Variants in FOXO1 observed in about 807,000 individuals in gnomAD.
FOXO1 encodes the protein forkhead box O1.
Under a neutral mutation model 44.1 loss-of-function variants are expected in FOXO1, and 6 were observed. The ratio of observed to expected loss-of-function variants is 0.14; its 90% confidence interval spans 0.07 to 0.27. The LOEUF is 0.27. FOXO1 is among the 10% of genes least tolerant of loss of function. FOXO1 has a pLI of 1.00. For synonymous variants in FOXO1, 380 were observed against 362.7 expected, an observed-to-expected ratio of 1.05 and a Z score of -0.54; for missense variants, 737 against 888.8, an observed-to-expected ratio of 0.83 and a Z score of 2.17.
At chr13:40,664,122 A>T (rs2095981110) in intron 1 of FOXO1, among the ~76,000 whole-genome samples, 1 of 152,074 alleles carries the variant, frequency 6.6e-6, no homozygotes, top group Non-Finnish European at 1.5e-5. Flanking sequence ...AAAACACAAA[A>T]ATTAGCTCGA....
At chr13:40,591,230 C>A (rs1038489811) in intron 1 of FOXO1, among the ~76,000 whole-genome samples, 2 of 152,148 alleles carry the variant, frequency 1.3e-5, no homozygotes, top group Non-Finnish European at 2.9e-5. Context: ...GGGTCAAACA[C>A]CTTGAAAGGG....
chr13:40,602,406 A>G (rs887048387), intron 1 of FOXO1, among the ~76,000 whole-genome samples: 6 of 152,202 alleles, frequency 3.9e-5, no homozygotes, highest in African/African-American at 1.4e-4. Flanking sequence ...CTTTTTCCCC[A>G]GTCTCACTTT....
chr13:40,590,350 CCTT>C (rs1875323243), intron 1 of FOXO1, among the ~76,000 whole-genome samples: 1 of 152,172 alleles, frequency 6.6e-6, no homozygotes, highest in Non-Finnish European at 1.5e-5. Context: ...CAAACAGAAA[CCTT>C]CTCCTTGCTA....
In FOXO1 at chr13:40,638,922, G is replaced by A. The variant is rs115199688; in HGVS notation, c.630+26661C>T. On this transcript the variant is annotated intron_variant, in intron 1 of 2. Transcript: ENST00000379561. ...CAGAACAGTCACTAAGGCCAGGCACGGTGGCTCACGCCTATAATCCAAGCA... is the reference window on the plus strand; with the variant it reads ...CAGAACAGTCACTAAGGCCAGGCACAGTGGCTCACGCCTATAATCCAAGCA... 5.7e-3 allele frequency among the ~76,000 whole-genome samples: 870 copies of A among 152,268 alleles called. 15 individuals carry two copies. Among genetic ancestry groups the A allele is most frequent in the African/African-American group, 0.02 (835 of 41,558 alleles).
chr13:40,584,829 C>T (rs372706026), intron 1 of FOXO1, among the ~76,000 whole-genome samples: 2 of 152,190 alleles, frequency 1.3e-5, no homozygotes, highest in African/African-American at 2.4e-5. Flanking sequence ...TAGGAAGCTT[C>T]GGATGTTATG....
intron 1 of FOXO1, among the ~76,000 whole-genome samples, chr13:40,630,320 C>T (rs765918925): frequency 3.3e-5 from 5 of 151,974 alleles, no homozygotes; most frequent in Non-Finnish European, 7.4e-5. Context: ...TGCTTTTGTT[C>T]TTCTTTTTGT....
intron 1 of FOXO1, among the ~76,000 whole-genome samples, chr13:40,663,310 T>A (rs1007048934): frequency 1.3e-5 from 2 of 152,228 alleles, no homozygotes; most frequent in Non-Finnish European, 2.9e-5. Context: ...ATCTATTTTT[T>A]AAAAACCTAA....
intron 1 of FOXO1, among the ~76,000 whole-genome samples, chr13:40,624,771 T>C (rs1194652986): frequency 6.6e-6 from 1 of 152,346 alleles, no homozygotes; most frequent in Admixed American, 6.5e-5. Flanking sequence ...TAATGGAACA[T>C]GGAATTACAA....
intron 1 of FOXO1, among the ~76,000 whole-genome samples, chr13:40,597,690 T>C (rs1030057725): frequency 6.6e-6 from 1 of 152,166 alleles, no homozygotes; most frequent in African/African-American, 2.4e-5. Context: ...CAGAAAGTAA[T>C]GGTCAGCCTT....
intron 1 of FOXO1, among the ~76,000 whole-genome samples, chr13:40,603,483 T>A (rs1222512602): frequency 6.6e-6 from 1 of 152,110 alleles, no homozygotes; most frequent in Admixed American, 6.6e-5. Flanking sequence ...TACATATATA[T>A]GTATTCCTTA....
chr13:40,651,622 GA>G (rs1877690867), intron 1 of FOXO1, among the ~76,000 whole-genome samples: 1 of 151,756 alleles, frequency 6.6e-6, no homozygotes, highest in South Asian at 2.1e-4. Context: ...ATCATCATCA[GA>G]AAGACTTCAT....
chr13:40,640,505 C>G (rs1198895087), intron 1 of FOXO1, among the ~76,000 whole-genome samples: 1 of 152,212 alleles, frequency 6.6e-6, no homozygotes, highest in Non-Finnish European at 1.5e-5. Context: ...TTAGCATCCC[C>G]CAAGCCCTGA....
chr13:40,593,768 C>G (rs548679055), intron 1 of FOXO1, among the ~76,000 whole-genome samples: 12 of 152,234 alleles, frequency 7.9e-5, no homozygotes, highest in Admixed American at 5.9e-4. Flanking sequence ...ACAAAAAAAT[C>G]AGGACTTTGG....
chr13:40,650,585 G>C (rs1307641083), intron 1 of FOXO1, among the ~76,000 whole-genome samples: 2 of 152,208 alleles, frequency 1.3e-5, no homozygotes, highest in African/African-American at 2.4e-5. Flanking sequence ...GAAGGGCAGT[G>C]ACACCCTGAG....
Position 40,562,278 on chromosome 13 carries a change from C to T in FOXO1, c.631-1418G>A, listed in dbSNP as rs78017295. Among the ~76,000 whole-genome samples the T allele has an allele frequency of 1.1e-3, 163 of 152,296 alleles. 4 individuals carry two copies. In the East Asian group the frequency reaches 0.019, roughly 18 times the overall value. The stretch of plus-strand genomic sequence containing the variant: ...TGGGATGGGAAGAAATGACAGAGAA[C>T]GCAAAGAGCTCTAACTCTCAAGCTA... On this transcript the variant is annotated intron_variant, in intron 1 of 2. Transcript: ENST00000379561.
At chr13:40,582,354 C>G (rs1874990101) in intron 1 of FOXO1, among the ~76,000 whole-genome samples, 2 of 152,288 alleles carry the variant, frequency 1.3e-5, no homozygotes, top group East Asian at 3.9e-4. Context: ...GCAGTCTGAT[C>G]AGGGTGGTGG....
intron 1 of FOXO1, among the ~76,000 whole-genome samples, chr13:40,655,461 C>A (rs1877825126): frequency 6.6e-6 from 1 of 151,586 alleles, no homozygotes; most frequent in Non-Finnish European, 1.5e-5. Context: ...GATCCTGGTG[C>A]GTCTGAAAGC....
At chr13:40,579,270 G>A (rs1249109060) in intron 1 of FOXO1, among the ~76,000 whole-genome samples, 5 of 152,192 alleles carry the variant, frequency 3.3e-5, no homozygotes, top group Non-Finnish European at 7.3e-5. Flanking sequence ...AGAAAGCCCA[G>A]GTGTTCTGTG....
intron 1 of FOXO1, among the ~76,000 whole-genome samples, chr13:40,584,468 GCAAAAAA>G: frequency 1.0e-4 from 1 of 9,906 alleles, no homozygotes; most frequent in African/African-American, 5.4e-4. Context: ...CACAAAAAAT[GCAAAAAA>G]AAAAAAAAAA....
Sources: gnomAD v4.1 joint callset for allele counts (sites outside exome capture counted in the v4.1 genomes callset) on GRCh38, gnomAD v4.1.1 for gene constraint, MANE v1.5 for transcripts, NCBI Gene and HGNC (gene_info 2026-07-23, HGNC 2026-07-21) for gene names.